The following PCK1 variants were observed in gnomAD, a reference collection of about 807,000 sequenced individuals.
PCK1 encodes the protein phosphoenolpyruvate carboxykinase 1, also known as phosphoenolpyruvate carboxykinase, cytosolic [GTP].
PCK1 carries 44 observed loss-of-function variants against 50.3 expected under a neutral mutation model. That is an observed-to-expected ratio of 0.87 (90% CI 0.69 to 1.12). The LOEUF is 1.12. Among genes scored for constraint, PCK1 ranks in the 50% most tolerant of loss-of-function variants. The probability of loss-of-function intolerance (pLI) is 0.00; values close to 1 mark genes in which losing one functional copy is unlikely to be tolerated. For missense variants in PCK1, 790 were observed against 815.0 expected (o/e 0.97, Z 0.37); for synonymous variants, 332 against 314.3 (o/e 1.06, Z -0.59).
chr20:57,565,383 G>C lies in PCK1; in HGVS notation c.1448G>C (p.Arg483Pro). ...ATCATGCATGACCCCTTTGCCATGC[G>C]GCCCTTCTTTGGCTACAACTTCGGC... ...KIIMHDPFAM[R>P]PFFGYNFGKY... Residue 483 changes from arginine to proline, a missense_variant, in exon 10 of 10, where the codon CGG (arginine) becomes CCG (proline). Physicochemically the swap from Arg to Pro is moderately radical, Grantham distance 103 (BLOSUM62 -2). Transcript: ENST00000319441. 1 of 1,614,168 alleles carries C rather than the reference G, an allele frequency of 6.2e-7. No individual in the cohort carries two copies. The highest frequency in any genetic ancestry group is 8.5e-7 in the Non-Finnish European group (1 of 1,180,008).
Position 57,566,151 on chromosome 20 carries a change from G to A in PCK1, c.*347G>A, listed in dbSNP as rs967547514. 1.3e-5 allele frequency: 3 copies of A among 226,510 alleles called. No individual in the cohort carries two copies. Among genetic ancestry groups the A allele is most frequent in the Non-Finnish European group, 1.6e-5 (2 of 122,138 alleles). 14.0% of individuals were successfully genotyped at this position (226,510 alleles called of 1,614,324 possible). A position where few individuals can be genotyped will look rare whatever the true frequency, so the allele number is the denominator to read the frequency against. Reference sequence around the variant, plus strand: ...TGCACACCAAAAAAATACTTGAGCTGTATATATATATGTGTGTGTGTGTGT... The same window carrying A: ...TGCACACCAAAAAAATACTTGAGCTATATATATATATGTGTGTGTGTGTGT... On this transcript the variant is annotated 3_prime_UTR_variant, in exon 10 of 10. Transcript: ENST00000319441.
rs1217584375 is a variant in PCK1, at chr20:57,564,489, T to C, written c.1194T>C (p.Pro398=). The C allele has an allele frequency of 6.2e-7, 1 of 1,614,212 alleles. No individual in the cohort carries two copies. The highest frequency in any genetic ancestry group is 1.1e-5 in the South Asian group (1 of 91,086). Residue 398 remains proline (P), a synonymous_variant, in exon 8 of 10, where the codon CCT becomes CCC. Coordinates refer to ENST00000319441, the MANE Select transcript of PCK1 (RefSeq NM_002591.4). ...NKEWSSEDGE[P]CAHPNSRFCT... ...CCTTTCTCTGTCTTATAGGGGAACC[T>C]TGTGCCCACCCCAACTCGAGGTTCT...
chr20:57,565,134 A>T lies in PCK1; in HGVS notation c.1413A>T (p.Lys471Asn). Residue 471 changes from lysine to asparagine, a missense_variant and splice_region_variant, in exon 9 of 10, where the codon AAA (lysine) becomes AAT (asparagine). Transcript: ENST00000319441. ...RSEATAAAEH[K>N]GKIIMHDPFA... Reference sequence around the variant, plus strand: ...AGGCCACAGCGGCTGCAGAACATAAAGGTAAATCAAAGTCCTGATCTGAAA... The same window carrying T: ...AGGCCACAGCGGCTGCAGAACATAATGGTAAATCAAAGTCCTGATCTGAAA... The T allele has an allele frequency of 6.2e-7, 1 of 1,612,184 alleles. No homozygotes were observed. The highest frequency in any genetic ancestry group is 8.5e-7 in the Non-Finnish European group (1 of 1,178,298).
At chr20:57,564,015 A>T in intron 6 of PCK1, 154 bp from the exon 7 acceptor site, 1 of 640,588 alleles carries the variant, frequency 1.6e-6, no homozygotes, top group Non-Finnish European at 2.7e-6. Flanking sequence ...TCAAAGTTGC[A>T]TATGATGCTT....
Position 57,565,963 on chromosome 20 carries a change from T to A in PCK1, c.*159T>A. The stretch of plus-strand genomic sequence containing the variant: ...AGGCACACTTTGATTTTTTTAAGGA[T>A]AAGAACCACAGAACACTGGGTAGTA... On this transcript the variant is annotated 3_prime_UTR_variant, in exon 10 of 10. Transcript: ENST00000319441. 1.7e-6 allele frequency: 1 copy of A among 593,354 alleles called. No homozygotes were observed. The highest frequency in any genetic ancestry group is 2.9e-6 in the Non-Finnish European group (1 of 342,368). 36.8% of individuals were successfully genotyped at this position (593,354 alleles called of 1,614,324 possible). A position where few individuals can be genotyped will look rare whatever the true frequency, so the allele number is the denominator to read the frequency against.
rs1014190677 is a variant in PCK1, at chr20:57,564,757, A to C, written c.1318+144A>C. The C allele has an allele frequency of 5.2e-6, 4 of 763,700 alleles. No individual in the cohort carries two copies. The African/African-American group carries it at 7.0e-5, about 13-fold the overall frequency. 47.3% of individuals were successfully genotyped at this position (763,700 alleles called of 1,614,324 possible). A position where few individuals can be genotyped will look rare whatever the true frequency, so the allele number is the denominator to read the frequency against. ...GCTTCCTTCCCAAAGATCCAGAATAATTGGCAAGTTCAAATGTAGAACCAA... is the reference window on the plus strand; with the variant it reads ...GCTTCCTTCCCAAAGATCCAGAATACTTGGCAAGTTCAAATGTAGAACCAA... On this transcript the variant is annotated intron_variant, in intron 8 of 9. Coordinates refer to ENST00000319441, the MANE Select transcript of PCK1 (RefSeq NM_002591.4).
chr20:57,566,161 A>ATG lies in PCK1; in HGVS notation c.*392_*393dup, dbSNP rs141075201. 0.077 allele frequency: 12,298 copies of ATG among 159,494 alleles called. 509 individuals are homozygous for ATG. The highest frequency in any genetic ancestry group is 0.14 in the South Asian group (818 of 5,706). 9.9% of individuals were successfully genotyped at this position (159,494 alleles called of 1,614,324 possible). A position where few individuals can be genotyped will look rare whatever the true frequency, so the allele number is the denominator to read the frequency against. ...AAAAATACTTGAGCTGTATATATATATGTGTGTGTGTGTGTGTGTGTGTGT... is the reference window on the plus strand; with the variant it reads ...AAAAATACTTGAGCTGTATATATATATGTGTGTGTGTGTGTGTGTGTGTGTGT... On this transcript the variant is annotated 3_prime_UTR_variant, in exon 10 of 10. Coordinates refer to ENST00000319441, the MANE Select transcript of PCK1 (RefSeq NM_002591.4).
intron 4 of PCK1, 46 bp from the exon 5 acceptor site, chr20:57,562,981 CA>C: frequency 6.3e-7 from 1 of 1,587,058 alleles, no homozygotes; most frequent in Non-Finnish European, 8.6e-7. Flanking sequence ...CGGGGACCCC[CA>C]AGCAGGGCCC....
chr20:57,564,644 A>T, intron 8 of PCK1, 31 bp downstream of exon 8: 1 of 1,553,332 alleles, frequency 6.4e-7, no homozygotes, highest in Non-Finnish European at 8.7e-7. Flanking sequence ...GGCTGGGAAC[A>T]TGGGTGTGCT....
At chr20:57,561,684 C>T in intron 2 of PCK1, 49 bp downstream of exon 2, 2 of 1,276,752 alleles carry the variant, frequency 1.6e-6, no homozygotes, top group Non-Finnish European at 1.1e-6. Flanking sequence ...GGCAGGGCTC[C>T]CCTGCGTCTC....
chr20:57,563,547 G>A lies in PCK1; in HGVS notation c.799-18G>A, dbSNP rs746717691. The A allele has an allele frequency of 1.3e-6, 2 of 1,556,174 alleles. No homozygotes were observed. The highest frequency in any genetic ancestry group is 2.3e-5 in the South Asian group (2 of 86,956). On this transcript the variant is annotated intron_variant, in intron 5 of 9. Coordinates refer to ENST00000319441, the MANE Select transcript of PCK1 (RefSeq NM_002591.4). ...AGAAGGAAACAAAGATCACAATAAA[G>A]AATCTTGTCCCCAACAGATTCTGGG... is the stretch of plus-strand genomic sequence containing the variant.
rs571905030 is a variant in PCK1 at position 57,563,413 on chromosome 20, G to A, written c.799-152G>A. On this transcript the variant is annotated intron_variant, in intron 5 of 9. Transcript: ENST00000319441. ...CCCCCAAACACCAGGGGACCATAGAGATCCTTTGGACTTCATGATTCTGGG... is the reference window on the plus strand; with the variant it reads ...CCCCCAAACACCAGGGGACCATAGAAATCCTTTGGACTTCATGATTCTGGG... 6.4e-5 allele frequency: 44 copies of A among 687,716 alleles called. 2 individuals are homozygous for A. The South Asian group carries it at 6.8e-4, about 11-fold the overall frequency. The allele number at this position is 687,716 out of a possible 1,614,324, so 42.6% of individuals were successfully genotyped here.
chr20:57,562,022 G>A (rs1426706141), intron 2 of PCK1, 49 bp from the exon 3 acceptor site: 1 of 1,545,042 alleles, frequency 6.5e-7, no homozygotes, highest in Non-Finnish European at 8.9e-7. Flanking sequence ...GAAGGAGATG[G>A]TTCGCTGCCC....
In PCK1 at chr20:57,564,599, G is replaced by T; in HGVS notation, c.1304G>T (p.Gly435Val). 6.3e-7 allele frequency: 1 copy of T among 1,598,938 alleles called. No individual in the cohort carries two copies. The highest frequency in any genetic ancestry group is 8.5e-7 in the Non-Finnish European group (1 of 1,171,346). ...CCCATTGAAGGCATTATCTTTGGAG[G>T]CCGTAGACCTGCTGGTGAGGCTCTC... The part of the protein sequence containing the change: ...GVPIEGIIFG[G>V]RRPAGVPLVY... The change falls in exon 8 of 10, where the codon GGC becomes GTC. Residue 435 changes from glycine (G) to valine (V), a missense_variant. Coordinates refer to ENST00000319441, the MANE Select transcript of PCK1 (RefSeq NM_002591.4).
intron 6 of PCK1, 140 bp from the exon 7 acceptor site, chr20:57,564,029 T>A: frequency 1.5e-6 from 1 of 657,766 alleles, no homozygotes; most frequent in Non-Finnish European, 2.6e-6. Flanking sequence ...GATGCTTGGA[T>A]GAAAAGAGAT....
At chr20:57,563,827 T>A (rs984168742) in intron 6 of PCK1, 100 bp downstream of exon 6, 4 of 1,012,714 alleles carry the variant, frequency 3.9e-6, no homozygotes, top group African/African-American at 3.2e-5. Flanking sequence ...TTTGGATTTT[T>A]AAACTCTGTT....
intron 6 of PCK1, 118 bp downstream of exon 6, chr20:57,563,845 A>G: frequency 2.4e-6 from 2 of 843,622 alleles, no homozygotes; most frequent in South Asian, 1.7e-5. Flanking sequence ...GTTAGTCCAG[A>G]GTTGGCCAAG....
rs1338015823 is a variant in PCK1, at chr20:57,564,608, C to A, written c.1313C>A (p.Pro438His). 3 of 1,591,504 alleles carry A rather than the reference C, an allele frequency of 1.9e-6. No homozygotes were observed. Among genetic ancestry groups the A allele is most frequent in the Non-Finnish European group, 2.6e-6 (3 of 1,167,856 alleles). The change falls in exon 8 of 10, where the codon CCT becomes CAT. Residue 438 changes from proline to histidine, a missense_variant. By Grantham distance (77) the Pro-to-His change is moderately conservative. Transcript: ENST00000319441. ...IEGIIFGGRR[P>H]AGVPLVYEAL... ...GGCATTATCTTTGGAGGCCGTAGAC[C>A]TGCTGGTGAGGCTCTCCTTCATTTA...
chr20:57,563,980 G>A, intron 6 of PCK1, 189 bp from the exon 7 acceptor site: 2 of 617,908 alleles, frequency 3.2e-6, no homozygotes, highest in Non-Finnish European at 5.7e-6. Flanking sequence ...GGAAAATTGT[G>A]GAGGAAGCAA....
Sources: gnomAD v4.1 joint callset for allele counts on GRCh38, gnomAD v4.1.1 for gene constraint, MANE v1.5 for transcripts, NCBI Gene and HGNC (gene_info 2026-07-23, HGNC 2026-07-21) for gene names.